The following BCL6 variants were observed in gnomAD, a reference collection of about 807,000 sequenced individuals.
BCL6 encodes B-cell lymphoma 6 protein.
In BCL6, 7 loss-of-function variants were observed where a neutral mutation model predicts 59.5. The ratio of observed to expected loss-of-function variants is 0.12; its 90% CI spans 0.07 to 0.22. The LOEUF (loss-of-function observed/expected upper bound fraction) is 0.22, where lower values mean the gene tolerates loss of function less well. Ranked by LOEUF, BCL6 falls within the 10% of genes least tolerant of loss-of-function variation. The pLI is 1.00. For missense variants in BCL6, 685 were observed against 939.4 expected, an observed-to-expected ratio of 0.73 and a Z score of 3.54; for synonymous variants, 339 against 349.7, an observed-to-expected ratio of 0.97 and a Z score of 0.34.
At chr3:187,743,528 C>T (rs894683305) in intron 1 of BCL6, among the ~76,000 whole-genome samples, 2 of 151,516 alleles carry the variant, frequency 1.3e-5, no homozygotes, top group Non-Finnish European at 1.5e-5. Flanking sequence ...GGTCTTTTTT[C>T]ATTTTTTTAA....
chr3:187,745,095 A>G (rs547815584), intron 1 of BCL6, among the ~76,000 whole-genome samples: 3 of 152,230 alleles, frequency 2.0e-5, no homozygotes, highest in Admixed American at 2.0e-4. Flanking sequence ...AGCCTCCCCA[A>G]ACCGGCCGAT....
At chr3:187,745,231 T>TC in intron 1 of BCL6, among the ~76,000 whole-genome samples, 179 bp downstream of exon 1, 1 of 152,148 alleles carries the variant, frequency 6.6e-6, no homozygotes, top group African/African-American at 2.4e-5. Flanking sequence ...AATATATACA[T>TC]TTATATCAAT....
rs990034243 is a variant in BCL6 at position 187,722,342 on chromosome 3, T to C, written c.*116A>G. ...CCACCCCCAACCCCCAGCTATGATT[T>C]GCACTAGTGGATGAAAGAGGCACTA... On this transcript the variant is annotated 3_prime_UTR_variant, in exon 10 of 10. Coordinates refer to ENST00000406870, the MANE Select transcript of BCL6 (RefSeq NM_001706.5). The C allele has an allele frequency of 1.1e-5, 11 of 1,021,340 alleles. No individual in the cohort carries two copies. In the African/African-American group the frequency reaches 1.8e-4, roughly 17 times the overall value. 63.3% of individuals were successfully genotyped at this position (1,021,340 alleles called of 1,614,324 possible). A position where few individuals can be genotyped will look rare whatever the true frequency, so the allele number is the denominator to read the frequency against.
chr3:187,737,370 AGAGAGAGAGAG>A (rs1719333242), intron 1 of BCL6: 1 of 145,710 alleles, frequency 6.9e-6, no homozygotes, highest in African/African-American at 2.7e-5. Flanking sequence ...AGAGAGAGAG[AGAGAGAGAGAG>A]AGAGAGAGAG....
intron 1 of BCL6, among the ~76,000 whole-genome samples, chr3:187,744,941 T>G (rs1576885960): frequency 5.3e-5 from 8 of 152,240 alleles, no homozygotes; most frequent in Middle Eastern, 3.4e-3. Flanking sequence ...CTCCGCGGTC[T>G]GGGGCCAGAC....
intron 6 of BCL6, among the ~76,000 whole-genome samples, chr3:187,727,426 A>G (rs1192394388): frequency 3.9e-5 from 6 of 152,240 alleles, no homozygotes; most frequent in Non-Finnish European, 7.3e-5. Flanking sequence ...GATATAGGTC[A>G]AATTCAATTC....
intron 1 of BCL6, among the ~76,000 whole-genome samples, chr3:187,744,601 G>A (rs1456817615): frequency 1.3e-5 from 2 of 152,062 alleles, no homozygotes; most frequent in African/African-American, 2.4e-5. Flanking sequence ...AAAACCCAAA[G>A]AGTTCGCTTG....
intron 9 of BCL6, 177 bp downstream of exon 9, chr3:187,724,764 A>C: frequency 1.0e-5 from 9 of 865,448 alleles, no homozygotes; most frequent in Non-Finnish European, 1.2e-5. Flanking sequence ...GTGTCTGGCC[A>C]TTGGGCCCAG....
At chr3:187,728,136 A>T (rs1476521739) in intron 6 of BCL6, among the ~76,000 whole-genome samples, 1 of 152,192 alleles carries the variant, frequency 6.6e-6, no homozygotes, top group Non-Finnish European at 1.5e-5. Context: ...GTAAGTCTTG[A>T]TTACCCCAGA....
At chr3:187,737,641 C>A (rs556577321) in intron 1 of BCL6, 1 of 152,624 alleles carries the variant, frequency 6.6e-6, no homozygotes, top group Non-Finnish European at 1.5e-5. Context: ...CACCTCGAAG[C>A]CCCCCGCAAG....
intron 3 of BCL6, 142 bp downstream of exon 3, chr3:187,733,391 G>A: frequency 1.1e-6 from 1 of 937,218 alleles, no homozygotes; most frequent in Non-Finnish European, 1.6e-6. Context: ...AGCCTACTGT[G>A]CCACGCCATG....
chr3:187,744,431 T>C (rs572764445), intron 1 of BCL6, among the ~76,000 whole-genome samples: 3 of 150,404 alleles, frequency 2.0e-5, no homozygotes, highest in Middle Eastern at 3.4e-3. Context: ...GAAAGAATAA[T>C]TTTCAAAGTG....
rs1246753673 is a variant in BCL6, at chr3:187,726,862, C to T, written c.1577G>A (p.Arg526His). ...CTTGAGTGAGGCCTCCTCAGAGAAG[C>T]GGCAGTCACACTCATTGCAGAAGAA... The part of the protein sequence containing the change: ...GAFFCNECDC[R>H]FSEEASLKRH... Residue 526 changes from arginine (R) to histidine (H), a missense_variant, in exon 7 of 10, where the codon CGC becomes CAC. Arg to His is a conservative substitution (Grantham distance 29). Transcript: ENST00000406870. The T allele has an allele frequency of 9.9e-6, 16 of 1,614,000 alleles. No individual in the cohort carries two copies. The highest frequency in any genetic ancestry group is 2.2e-5 in the South Asian group (2 of 91,084).
At chr3:187,745,212 G>C (rs559944372) in intron 1 of BCL6, among the ~76,000 whole-genome samples, 198 bp downstream of exon 1, 20 of 151,886 alleles carry the variant, frequency 1.3e-4, no homozygotes, top group East Asian at 9.7e-4. Flanking sequence ...CTGACAGCTA[G>C]AATAAATAAA....
intron 1 of BCL6, among the ~76,000 whole-genome samples, chr3:187,743,883 A>C (rs564599051): frequency 1.3e-5 from 2 of 152,098 alleles, no homozygotes; most frequent in South Asian, 2.1e-4. Flanking sequence ...CTCGCAATCT[A>C]TTTTTGCAAA....
chr3:187,730,064 A>T (rs1425535709), intron 4 of BCL6, 43 bp from the exon 5 acceptor site: 1 of 1,522,130 alleles, frequency 6.6e-7, no homozygotes, highest in Non-Finnish European at 8.8e-7. Flanking sequence ...CCCAAATCAG[A>T]ACTGTTAAAT....
chr3:187,728,634 AG>A, intron 5 of BCL6, 90 bp from the exon 6 acceptor site: 1 of 1,306,818 alleles, frequency 7.7e-7, no homozygotes, highest in Non-Finnish European at 1.0e-6. Context: ...CCCAGAGGCC[AG>A]AGCTGGGCTG....
In BCL6 at chr3:187,726,750, G is replaced by A; in HGVS notation, c.1689C>T (p.Ser563=). Residue 563 remains serine, a synonymous_variant, in exon 7 of 10, where the codon AGC becomes AGT. Coordinates refer to ENST00000406870, the MANE Select transcript of BCL6 (RefSeq NM_001706.5). ...CCATACCGGTATGGACGGTCTTGTG[G>A]CTGGCGAGGTTGCCCTTGTAGCGGA... The part of the protein sequence containing the change: ...ASFRYKGNLA[S]HKTVHTGEKP... 6.2e-7 allele frequency: 1 copy of A among 1,613,926 alleles called. No homozygotes were observed. The highest frequency in any genetic ancestry group is 8.5e-7 in the Non-Finnish European group (1 of 1,179,950).
Position 187,722,309 on chromosome 3 carries a change from G to GA in BCL6, c.*148dup. 2.9e-5 allele frequency: 2 copies of GA among 68,666 alleles called. No individual in the cohort carries two copies. The highest frequency in any genetic ancestry group is 2.7e-5 in the Non-Finnish European group (1 of 37,332). 4.3% of individuals were successfully genotyped at this position (68,666 alleles called of 1,614,324 possible). The stretch of plus-strand genomic sequence containing the variant: ...TGCGGCTCCCAGTCCCCCAGGCCCC[G>GA]ACCCCCACCACCCCCAACCCCCAGC... On this transcript the variant is annotated 3_prime_UTR_variant, in exon 10 of 10. Coordinates refer to ENST00000406870, the MANE Select transcript of BCL6 (RefSeq NM_001706.5).
Sources: allele counts gnomAD v4.1 joint callset (sites outside exome capture counted in the v4.1 genomes callset), GRCh38; gene constraint gnomAD v4.1.1; transcripts MANE v1.5; gene names NCBI Gene and HGNC (gene_info 2026-07-23, HGNC 2026-07-21).